Variants in PPP1R12B observed in about 807,000 individuals in gnomAD.
PPP1R12B encodes the protein protein phosphatase 1 regulatory subunit 12B.
A neutral mutation model predicts 126.1 loss-of-function variants in PPP1R12B; 76 were observed. That is an observed-to-expected ratio of 0.60 (90% CI 0.50 to 0.73). The LOEUF is 0.73. Ranked by LOEUF, PPP1R12B falls within the 30% of genes least tolerant of loss-of-function variation. PPP1R12B has a pLI of 0.00. For synonymous variants in PPP1R12B, 356 were observed against 434.7 expected, an observed-to-expected ratio of 0.82 and a Z score of 2.25; for missense variants, 1,052 against 1,205.1, an observed-to-expected ratio of 0.87 and a Z score of 1.88.
intron 1 of PPP1R12B, among the ~76,000 whole-genome samples, chr1:202,412,504 C>T (rs1667532368): frequency 6.6e-6 from 1 of 152,132 alleles, no homozygotes; most frequent in Admixed American, 6.5e-5. Context: ...TCTTTAAAGG[C>T]CAAAGAATGA....
rs369829139 is a variant in PPP1R12B, at chr1:202,422,722, G to C, written c.525G>C (p.Glu175Asp). ...EEPAMKDLLL[E>D]QVKKQGVDLE... ...CAGCCATGAAGGATCTTCTTCTGGA[G>C]CAAGTAAAGAAGCAAGGTAACCTCA... The change falls in exon 3 of 24, where the codon GAG (glutamate) becomes GAC (aspartate). Residue 175 changes from glutamate (E) to aspartate (D), a missense_variant. Physicochemically the swap from Glu to Asp is conservative, Grantham distance 45. Coordinates refer to ENST00000608999, the MANE Select transcript of PPP1R12B (RefSeq NM_002481.4). The C allele has an allele frequency of 6.2e-7, 1 of 1,613,644 alleles. No individual in the cohort carries two copies. Among genetic ancestry groups the C allele is most frequent in the African/African-American group, 1.3e-5 (1 of 74,900 alleles).
At position 202,590,558 on chromosome 1, in the gene PPP1R12B, C is replaced by A; in HGVS notation, c.*9998C>A. On this transcript the variant is annotated 3_prime_UTR_variant, in exon 24 of 24. Transcript: ENST00000608999. ...TCCCACTCCCTCACCCCCACCTCAG[C>A]GCAGCAAAAACAACCAGAGACACCC... 1 of 151,766 alleles carries A rather than the reference C, an allele frequency of 6.6e-6. No individual in the cohort carries two copies. Among genetic ancestry groups the A allele is most frequent in the Non-Finnish European group, 1.5e-5 (1 of 68,008 alleles). The allele number at this position is 151,766 out of a possible 1,614,324, so 9.4% of individuals were successfully genotyped here. A position where few individuals can be genotyped will look rare whatever the true frequency, so the allele number is the denominator to read the frequency against.
chr1:202,426,965 A>T lies in PPP1R12B; in HGVS notation c.702-75A>T. 5.2e-6 allele frequency: 8 copies of T among 1,538,340 alleles called. No individual in the cohort carries two copies. In the Middle Eastern group the frequency reaches 1.0e-3, roughly 194 times the overall value. On this transcript the variant is annotated intron_variant, in intron 4 of 23. Transcript: ENST00000608999. ...TTCAGGGCCAAAATCTGAAATATCA[A>T]TTAGGTAATAGTGTATTTGCCAGAA...
rs56752885 is a variant in PPP1R12B, at chr1:202,555,325, G to GAAAAAAAAAAAAAAAAAAAAAAAAA, written c.2491-3548_2491-3524dup. 7.9e-5 allele frequency among the ~76,000 whole-genome samples: 2 copies of GAAAAAAAAAAAAAAAAAAAAAAAAA among 25,340 alleles called. 1 individual carries two copies. The highest frequency in any genetic ancestry group is 3.2e-4 in the African/African-American group (2 of 6,232). The allele number at this position is 25,340 out of a possible 152,430, so 16.6% of individuals were successfully genotyped here. A position where few individuals can be genotyped will look rare whatever the true frequency, so the allele number is the denominator to read the frequency against. On this transcript the variant is annotated intron_variant, in intron 18 of 23. Transcript: ENST00000608999. ...AAAACCCTAATTTTCCTGTTTTAAT[G>GAAAAAAAAAAAAAAAAAAAAAAAAA]AAAAAAAAAAAAAAAAAAAAAAAAA...
chr1:202,497,809 T>G (rs1679747314), intron 18 of PPP1R12B, among the ~76,000 whole-genome samples: 1 of 152,214 alleles, frequency 6.6e-6, no homozygotes, highest in South Asian at 2.1e-4. Context: ...TGTGCCTGTG[T>G]GTATGTGTAT....
rs572293761 is a variant in PPP1R12B at position 202,449,966 on chromosome 1, G to A, written c.1850+795G>A. On this transcript the variant is annotated intron_variant, in intron 13 of 23. Coordinates refer to ENST00000608999, the MANE Select transcript of PPP1R12B (RefSeq NM_002481.4). ...CTCCCAAAGTGCTGGGATTACAGGC[G>A]TGAGCCACCGCTCCCGGCTGTCGTT... is the stretch of plus-strand genomic sequence containing the variant. Among the ~76,000 whole-genome samples, 8 of 152,292 alleles carry A rather than the reference G, an allele frequency of 5.3e-5. 1 individual carries two copies. In the East Asian group the frequency reaches 1.2e-3, roughly 22 times the overall value.
At chr1:202,378,555 CT>C (rs1197381046) in intron 1 of PPP1R12B, among the ~76,000 whole-genome samples, 8 of 152,140 alleles carry the variant, frequency 5.3e-5, no homozygotes, top group African/African-American at 1.9e-4. Context: ...TCTCAGCTTA[CT>C]GCAACCTCTG....
rs902393357 is a variant in PPP1R12B, at chr1:202,589,231, C to T, written c.*8671C>T. On this transcript the variant is annotated 3_prime_UTR_variant, in exon 24 of 24. Coordinates refer to ENST00000608999, the MANE Select transcript of PPP1R12B (RefSeq NM_002481.4). ...GAGAAGAGCTGTTCAGGCCCGCTGGCAGGGTTTGTACGTGGGTGGCCAGGT... is the reference window on the plus strand; with the variant it reads ...GAGAAGAGCTGTTCAGGCCCGCTGGTAGGGTTTGTACGTGGGTGGCCAGGT... 7.2e-5 allele frequency: 11 copies of T among 152,228 alleles called. No individual in the cohort carries two copies. The highest frequency in any genetic ancestry group is 3.9e-4 in the Admixed American group (6 of 15,282). 9.4% of individuals were successfully genotyped at this position (152,228 alleles called of 1,614,324 possible). A position where few individuals can be genotyped will look rare whatever the true frequency, so the allele number is the denominator to read the frequency against.
chr1:202,411,730 A>G (rs922717103), intron 1 of PPP1R12B, among the ~76,000 whole-genome samples: 29 of 152,160 alleles, frequency 1.9e-4, no homozygotes, highest in African/African-American at 6.8e-4. Context: ...TCCCAATGCT[A>G]TAGATGAGTA....
chr1:202,468,773 G>C (rs1232252767), intron 13 of PPP1R12B, among the ~76,000 whole-genome samples: 1 of 152,128 alleles, frequency 6.6e-6, no homozygotes, highest in Non-Finnish European at 1.5e-5. Flanking sequence ...GGCCAACATG[G>C]TGAAATCCTG....
intron 1 of PPP1R12B, among the ~76,000 whole-genome samples, chr1:202,373,956 G>A (rs1318713861): frequency 6.6e-6 from 1 of 151,924 alleles, no homozygotes; most frequent in Non-Finnish European, 1.5e-5. Context: ...GGTCAAGAAG[G>A]TATATTAATT....
intron 1 of PPP1R12B, among the ~76,000 whole-genome samples, chr1:202,414,795 T>C (rs1667848693): frequency 6.6e-6 from 1 of 152,194 alleles, no homozygotes; most frequent in African/African-American, 2.4e-5. Context: ...TTTATTTTTG[T>C]TTTTGTTTTC....
At position 202,422,623 on chromosome 1, in the gene PPP1R12B, T is replaced by C. The variant is rs1668948886; in HGVS notation, c.426T>C (p.Tyr142=). ...ATCCTGGATCTTGTCTACGCAGGTA[T>C]TTCATTAATCACGGAGCCAGTGTAG... is the stretch of plus-strand genomic sequence containing the variant. ...ASCGYLNIAE[Y]FINHGASVGI... Residue 142 remains tyrosine (Y), a synonymous_variant, in exon 3 of 24, where the codon TAT becomes TAC. Transcript: ENST00000608999. The C allele has an allele frequency of 6.2e-7, 1 of 1,613,358 alleles. No homozygotes were observed. Among genetic ancestry groups the C allele is most frequent in the African/African-American group, 1.3e-5 (1 of 74,904 alleles).
In PPP1R12B at chr1:202,403,689, G is replaced by A. The variant is rs142419628; in HGVS notation, c.292-13098G>A. Among the ~76,000 whole-genome samples the A allele has an allele frequency of 1.6e-3, 241 of 152,356 alleles. 1 individual carries two copies. Among genetic ancestry groups the A allele is most frequent in the African/African-American group, 5.7e-3 (235 of 41,588 alleles). On this transcript the variant is annotated intron_variant, in intron 1 of 23. Coordinates refer to ENST00000608999, the MANE Select transcript of PPP1R12B (RefSeq NM_002481.4). ...TAATATGGAAAGGGCAACAGTACTT[G>A]TTAGTTTGCTGCTCAAATATAGTTC...
chr1:202,460,429 C>T (rs1674168058), intron 13 of PPP1R12B, among the ~76,000 whole-genome samples: 1 of 151,880 alleles, frequency 6.6e-6, no homozygotes, highest in Admixed American at 6.6e-5. Context: ...TTGGAATGTT[C>T]AAAATTTAAA....
intron 12 of PPP1R12B, among the ~76,000 whole-genome samples, chr1:202,447,833 G>A (rs34533217): frequency 6.6e-6 from 1 of 152,092 alleles, no homozygotes; most frequent in Admixed American, 6.5e-5. Context: ...CTATAGATTC[G>A]TATCTTGTAA....
chr1:202,474,290 ATT>A (rs752137864), intron 13 of PPP1R12B, among the ~76,000 whole-genome samples: 5 of 144,050 alleles, frequency 3.5e-5, no homozygotes, highest in Non-Finnish European at 3.1e-5. Flanking sequence ...AACAAATTGC[ATT>A]TTTTTTTTTT....
rs1445325281 is a variant in PPP1R12B at position 202,588,421 on chromosome 1, GATGA to G, written c.*7865_*7868del. The G allele has an allele frequency of 6.5e-6, 1 of 152,766 alleles. No homozygotes were observed. The highest frequency in any genetic ancestry group is 1.5e-5 in the Non-Finnish European group (1 of 68,040). The allele number at this position is 152,766 out of a possible 1,614,324, so 9.5% of individuals were successfully genotyped here. On this transcript the variant is annotated 3_prime_UTR_variant, in exon 24 of 24. Coordinates refer to ENST00000608999, the MANE Select transcript of PPP1R12B (RefSeq NM_002481.4). ...ATTTTGAGTGGCCTTTCAACCCTAA[GATGA>G]ATGGTTTTGTTTTACTGGTTGTTGT...
Position 202,584,941 on chromosome 1 carries a change from C to G in PPP1R12B, c.*4381C>G, listed in dbSNP as rs571562510. The G allele has an allele frequency of 2.0e-5, 3 of 152,308 alleles. No individual in the cohort carries two copies. In the South Asian group the frequency reaches 6.2e-4, roughly 32 times the overall value. The allele number at this position is 152,308 out of a possible 1,614,324, so 9.4% of individuals were successfully genotyped here. A position where few individuals can be genotyped will look rare whatever the true frequency, so the allele number is the denominator to read the frequency against. On this transcript the variant is annotated 3_prime_UTR_variant, in exon 24 of 24. Coordinates refer to ENST00000608999, the MANE Select transcript of PPP1R12B (RefSeq NM_002481.4). The stretch of plus-strand genomic sequence containing the variant: ...CCCCATTGTTTATGCCAGCACTGAC[C>G]GCACTTTAAGCACACACTTACCAAT...
Sources: gnomAD v4.1 joint callset for allele counts (sites outside exome capture counted in the v4.1 genomes callset) on GRCh38, gnomAD v4.1.1 for gene constraint, MANE v1.5 for transcripts, NCBI Gene and HGNC (gene_info 2026-07-23, HGNC 2026-07-21) for gene names.